SS18L1: variants seen among roughly 807,000 people sequenced by gnomAD.
The protein encoded by SS18L1 is SS18L1 subunit of BAF chromatin remodeling complex.
A neutral mutation model predicts 70.3 loss-of-function variants in SS18L1; 32 were observed. The ratio of observed to expected loss-of-function variants is 0.46; its 90% CI spans 0.34 to 0.61. The LOEUF is 0.61. Among genes scored for constraint, SS18L1 ranks in the 20% least tolerant of loss-of-function variants. The pLI is 0.01. For synonymous variants in SS18L1, 237 were observed against 229.7 expected (o/e 1.03, Z -0.29); for missense variants, 430 against 542.1 (o/e 0.79, Z 2.05).
intron 7 of SS18L1, among the ~76,000 whole-genome samples, 177 bp from the exon 8 acceptor site, chr20:62,165,245 C>T (rs551810166): frequency 1.6e-4 from 24 of 152,320 alleles, no homozygotes; most frequent in Non-Finnish European, 4.4e-5. Context: ...GTCTGCATTT[C>T]AGTGGGGAGG....
chr20:62,177,194 G>C (rs758458265), intron 10 of SS18L1, among the ~76,000 whole-genome samples: 1 of 152,196 alleles, frequency 6.6e-6, no homozygotes, highest in Non-Finnish European at 1.5e-5. Context: ...AGAGGCGGGC[G>C]GGAGCAGATA....
chr20:62,162,995 C>G (rs765998960), intron 5 of SS18L1, 64 bp downstream of exon 5: 1 of 1,559,736 alleles, frequency 6.4e-7, no homozygotes, highest in African/African-American at 1.4e-5. Flanking sequence ...TTGACACATG[C>G]ACGTTGGACA....
In SS18L1 at chr20:62,161,684, G is replaced by C. The variant is rs984088170; in HGVS notation, c.376+104G>C. ...GGGCACCCCACCCCTCACAGGGCTG[G>C]GCATGGGACCCACTCCTCCTGGGGT... On this transcript the variant is annotated intron_variant, in intron 4 of 10. Transcript: ENST00000331758. This position sits in a 1 kb window ranked among gnomAD's most constrained non-coding sequence, Gnocchi z 4.4. 10 of 1,462,458 alleles carry C rather than the reference G, an allele frequency of 6.8e-6. No homozygotes were observed. The highest frequency in any genetic ancestry group is 9.1e-6 in the Non-Finnish European group (10 of 1,099,824). The allele number at this position is 1,462,458 out of a possible 1,614,324, so 90.6% of individuals were successfully genotyped here.
Position 62,164,023 on chromosome 20 carries a change from G to A in SS18L1, c.722-122G>A, listed in dbSNP as rs56285165. The A allele has an allele frequency of 0.064, 48,362 of 754,626 alleles. 2,193 individuals are homozygous for A. The highest frequency in any genetic ancestry group is 0.16 in the South Asian group (8,847 of 54,420). 46.7% of individuals were successfully genotyped at this position (754,626 alleles called of 1,614,324 possible). Reference sequence around the variant, plus strand: ...CATAAGTTGGATACGATGACAGCGTGGGGTGTTCTCCTCGGGTGGGTGAGG... The same window carrying A: ...CATAAGTTGGATACGATGACAGCGTAGGGTGTTCTCCTCGGGTGGGTGAGG... On this transcript the variant is annotated intron_variant, in intron 6 of 10. Coordinates refer to ENST00000331758, the MANE Select transcript of SS18L1 (RefSeq NM_198935.3).
chr20:62,158,818 G>T lies in SS18L1; in HGVS notation c.146+70G>T, dbSNP rs906742088. On this transcript the variant is annotated intron_variant, in intron 2 of 10. Coordinates refer to ENST00000331758, the MANE Select transcript of SS18L1 (RefSeq NM_198935.3). This position sits in a 1 kb window ranked among gnomAD's most constrained non-coding sequence, Gnocchi z 4.5. ...GAGTCTAAGCACAGAGGCCAGATAC[G>T]TCCCAAGAGTCCCCCAGCACAGAGA... The T allele has an allele frequency of 6.2e-7, 1 of 1,611,806 alleles. No homozygotes were observed. The highest frequency in any genetic ancestry group is 8.5e-7 in the Non-Finnish European group (1 of 1,179,424).
chr20:62,151,840 C>A (rs1293687526), intron 1 of SS18L1, among the ~76,000 whole-genome samples: 4 of 145,264 alleles, frequency 2.8e-5, no homozygotes, highest in East Asian at 3.9e-4. Flanking sequence ...AGCTGGCCTC[C>A]CCCGTTCCCC....
intron 10 of SS18L1, among the ~76,000 whole-genome samples, chr20:62,177,001 C>G (rs979987674): frequency 6.6e-6 from 1 of 152,200 alleles, no homozygotes; most frequent in Non-Finnish European, 1.5e-5. Context: ...TTGCAGCACC[C>G]CTGGCCTCCA....
At chr20:62,156,292 T>G (rs927847530) in intron 1 of SS18L1, among the ~76,000 whole-genome samples, 44 of 152,280 alleles carry the variant, frequency 2.9e-4, no homozygotes, top group African/African-American at 1.1e-3. Context: ...AGCCCATAGT[T>G]GTCCCTTCCT....
At position 62,174,840 on chromosome 20, in the gene SS18L1, C is replaced by G. The variant is rs1375211210; in HGVS notation, c.1164+196C>G. ...GTATACGCTCACCTCAGTCATCCAG[C>G]TGGCTTTTCATACCCTAAGCTCACC... On this transcript the variant is annotated intron_variant, in intron 10 of 10. Transcript: ENST00000331758. This position sits in a 1 kb window ranked among gnomAD's most constrained non-coding sequence, Gnocchi z 4.1. The G allele has an allele frequency of 2.7e-6, 4 of 1,463,330 alleles. No homozygotes were observed. Among genetic ancestry groups the G allele is most frequent in the Non-Finnish European group, 3.6e-6 (4 of 1,104,704 alleles). The allele number at this position is 1,463,330 out of a possible 1,614,324, so 90.6% of individuals were successfully genotyped here. A position where few individuals can be genotyped will look rare whatever the true frequency, so the allele number is the denominator to read the frequency against.
rs545959407 is a variant in SS18L1 at position 62,159,605 on chromosome 20, C to T, written c.147-272C>T. Among the ~76,000 whole-genome samples, 14 of 152,250 alleles carry T rather than the reference C, an allele frequency of 9.2e-5. No individual in the cohort carries two copies. The highest frequency in any genetic ancestry group is 3.1e-4 in the African/African-American group (13 of 41,542). Reference sequence around the variant, plus strand: ...CTCTGAACAGACCAATGCCAGCTTCCGCTTAGCTGTTACCTTAGAGTCTTT... The same window carrying T: ...CTCTGAACAGACCAATGCCAGCTTCTGCTTAGCTGTTACCTTAGAGTCTTT... On this transcript the variant is annotated intron_variant, in intron 2 of 10. Transcript: ENST00000331758. This position sits in a 1 kb window ranked among gnomAD's most constrained non-coding sequence, Gnocchi z 4.4.
At chr20:62,165,278 ATGGTTT>A in intron 7 of SS18L1, 138 bp from the exon 8 acceptor site, 1 of 710,588 alleles carries the variant, frequency 1.4e-6, no homozygotes, top group Admixed American at 2.6e-5. Flanking sequence ...AGGTTGGGGC[ATGGTTT>A]TGGGGAACAC....
intron 1 of SS18L1, among the ~76,000 whole-genome samples, chr20:62,157,792 G>C (rs1297257279): frequency 6.6e-6 from 1 of 152,200 alleles, no homozygotes; most frequent in Non-Finnish European, 1.5e-5. Flanking sequence ...CACCCCTGGG[G>C]GTGAGGGCTG....
At chr20:62,152,256 G>A (rs536091541) in intron 1 of SS18L1, among the ~76,000 whole-genome samples, 56 of 152,154 alleles carry the variant, frequency 3.7e-4, no homozygotes, top group Non-Finnish European at 7.1e-4. Context: ...TGAGCAGAGC[G>A]GGTCGCACCT....
Position 62,158,862 on chromosome 20 carries a change from T to C in SS18L1, c.146+114T>C, listed in dbSNP as rs528337429. The C allele has an allele frequency of 1.1e-4, 175 of 1,605,818 alleles. No homozygotes were observed. Among genetic ancestry groups the C allele is most frequent in the Non-Finnish European group, 1.4e-4 (159 of 1,177,496 alleles). On this transcript the variant is annotated intron_variant, in intron 2 of 10. Transcript: ENST00000331758. The surrounding 1 kb of genome is among the most constrained non-coding windows in gnomAD (Gnocchi z 4.5). ...ACAGAGATCAGATAAGTCCCAGGAG[T>C]CCCCAGCACGGAGGCCAGATATGTC... is the stretch of plus-strand genomic sequence containing the variant.
chr20:62,145,931 A>G (rs2057016494), intron 1 of SS18L1, among the ~76,000 whole-genome samples: 1 of 152,082 alleles, frequency 6.6e-6, no homozygotes, highest in African/African-American at 2.4e-5. Context: ...GAAGCCAGGG[A>G]CCCCTCTGAA....
intron 9 of SS18L1, 133 bp downstream of exon 9, chr20:62,172,934 G>A (rs891036092): frequency 6.1e-5 from 91 of 1,494,270 alleles, no homozygotes; most frequent in Non-Finnish European, 7.3e-5. Flanking sequence ...AGGCGAGCAC[G>A]CTCCTCGGGG....
intron 8 of SS18L1, among the ~76,000 whole-genome samples, chr20:62,166,249 G>A (rs2057428653): frequency 6.6e-6 from 1 of 152,252 alleles, no homozygotes; most frequent in African/African-American, 2.4e-5. Context: ...GGGAAGGCGG[G>A]CCTGCAGTCC....
In SS18L1 at chr20:62,174,241, G is replaced by C. The variant is rs571159409; in HGVS notation, c.1037-276G>C. Among the ~76,000 whole-genome samples the C allele has an allele frequency of 2.0e-5, 3 of 152,064 alleles. No homozygotes were observed. The East Asian group carries it at 5.8e-4, about 30-fold the overall frequency. Reference sequence around the variant, plus strand: ...CTGGGGTGATGGAGAGAGCCCATCAGCCCTCGCCATGCTGGTGGGGGGCCT... The same window carrying C: ...CTGGGGTGATGGAGAGAGCCCATCACCCCTCGCCATGCTGGTGGGGGGCCT... On this transcript the variant is annotated intron_variant, in intron 9 of 10. Transcript: ENST00000331758. This position sits in a 1 kb window ranked among gnomAD's most constrained non-coding sequence, Gnocchi z 4.1.
Position 62,163,417 on chromosome 20 carries a change from G to A in SS18L1, c.557-41G>A, listed in dbSNP as rs201847003. 143 of 1,609,796 alleles carry A rather than the reference G, an allele frequency of 8.9e-5. 1 individual carries two copies. The East Asian group carries it at 3.1e-3, about 35-fold the overall frequency. ...GTTGGGTGTGGGAGGGAGGGCGGGA[G>A]GCTTCCCGGGGTGATGTGGGGCCTC... On this transcript the variant is annotated intron_variant, in intron 5 of 10. Transcript: ENST00000331758.
Sources: gnomAD v4.1 joint callset for allele counts (sites outside exome capture counted in the v4.1 genomes callset) on GRCh38, gnomAD v4.1.1 for gene constraint, Gnocchi (gnomAD v3.1) non-coding constraint, MANE v1.5 for transcripts, NCBI Gene and HGNC (gene_info 2026-07-23, HGNC 2026-07-21) for gene names.